SORCS3: variants seen among roughly 807,000 people sequenced by gnomAD.
SORCS3 encodes sortilin related VPS10 domain containing receptor 3.
In SORCS3, 57 loss-of-function variants were observed where a neutral mutation model predicts 146.3. The observed-to-expected ratio is 0.39, with a 90% confidence interval of 0.31 to 0.49. The LOEUF (loss-of-function observed/expected upper bound fraction) is 0.49. Among genes scored for constraint, SORCS3 ranks in the 20% least tolerant of loss-of-function variants. SORCS3 has a pLI of 0.92. For synonymous variants in SORCS3, 653 were observed against 618.5 expected (o/e 1.06, Z -0.83); for missense variants, 1,341 against 1,575.5 (o/e 0.85, Z 2.52).
At chr10:104,964,591 C>G (rs776676011) in intron 3 of SORCS3, among the ~76,000 whole-genome samples, 1 of 152,092 alleles carries the variant, frequency 6.6e-6, no homozygotes, top group Admixed American at 6.6e-5. Context: ...GGAGTAAGGC[C>G]TCAGTCAATA....
At chr10:105,016,155 A>ATATTT (rs71482443) in intron 4 of SORCS3, among the ~76,000 whole-genome samples, 9,003 of 101,112 alleles carry the variant, frequency 0.089, 624 homozygotes, top group African/African-American at 0.13. Context: ...ATATATATAT[A>ATATTT]TTTTTTTTTT....
intron 3 of SORCS3, among the ~76,000 whole-genome samples, chr10:104,958,145 CCT>C (rs1380853717): frequency 6.6e-6 from 1 of 152,046 alleles, no homozygotes. Flanking sequence ...CTTGCTGTGC[CCT>C]CTGTCTCCTT....
chr10:104,723,372 A>C (rs565461269), intron 1 of SORCS3, among the ~76,000 whole-genome samples: 73 of 152,230 alleles, frequency 4.8e-4, no homozygotes, highest in Non-Finnish European at 8.8e-4. Context: ...GTTCTTTTAC[A>C]TTTGCTGAGG....
intron 9 of SORCS3, among the ~76,000 whole-genome samples, chr10:105,155,806 A>G (rs1337141193): frequency 1.3e-5 from 2 of 152,128 alleles, no homozygotes; most frequent in African/African-American, 4.8e-5. Flanking sequence ...AATCTAATCA[A>G]TTCCATTGTT....
intron 5 of SORCS3, among the ~76,000 whole-genome samples, chr10:105,051,287 G>A (rs1411963123): frequency 1.3e-5 from 2 of 152,196 alleles, no homozygotes; most frequent in South Asian, 2.1e-4. Flanking sequence ...ACCCGTGTCA[G>A]CCTAATAGCA....
chr10:104,957,520 T>C (rs1287029346), intron 3 of SORCS3, among the ~76,000 whole-genome samples: 4 of 151,548 alleles, frequency 2.6e-5, no homozygotes, highest in Admixed American at 2.6e-4. Context: ...GTTTGTGTGG[T>C]ATTGTTTTCT....
intron 5 of SORCS3, among the ~76,000 whole-genome samples, chr10:105,080,401 T>G (rs1055575790): frequency 4.1e-5 from 6 of 144,768 alleles, no homozygotes; most frequent in Admixed American, 4.1e-4. Context: ...CTTTTTAATG[T>G]TTTTTTTTCT....
At chr10:104,882,387 G>A (rs116363217) in intron 2 of SORCS3, among the ~76,000 whole-genome samples, 1 of 152,284 alleles carries the variant, frequency 6.6e-6, no homozygotes, top group African/African-American at 2.4e-5. Context: ...TTAGAGCAGA[G>A]CTTAGTGTTT....
At chr10:104,862,773 T>C (rs182767509) in intron 2 of SORCS3, among the ~76,000 whole-genome samples, 1 of 152,358 alleles carries the variant, frequency 6.6e-6, no homozygotes, top group Admixed American at 6.5e-5. Flanking sequence ...TATCATAGTA[T>C]TGTTTTTCAT....
chr10:104,747,875 G>A (rs2016929495), intron 1 of SORCS3, among the ~76,000 whole-genome samples: 1 of 152,230 alleles, frequency 6.6e-6, no homozygotes, highest in South Asian at 2.1e-4. Context: ...ACAGCACTGG[G>A]TTTAAAGCCT....
intron 3 of SORCS3, among the ~76,000 whole-genome samples, chr10:104,975,250 T>C (rs1446372472): frequency 1.3e-5 from 2 of 152,128 alleles, no homozygotes; most frequent in Non-Finnish European, 2.9e-5. Context: ...ATCACAAGCA[T>C]TCTTATACAC....
At chr10:105,018,168 A>G (rs1000023281) in intron 4 of SORCS3, among the ~76,000 whole-genome samples, 18 of 152,200 alleles carry the variant, frequency 1.2e-4, no homozygotes, top group African/African-American at 4.1e-4. Flanking sequence ...TGCTCTTTCA[A>G]TGCTTTGCTT....
intron 2 of SORCS3, among the ~76,000 whole-genome samples, chr10:104,884,316 G>A (rs1193639722): frequency 6.6e-6 from 1 of 152,154 alleles, no homozygotes; most frequent in African/African-American, 2.4e-5. Context: ...CGTCGAGACT[G>A]CTCATTGCTG....
chr10:104,906,635 C>T (rs1188172119), intron 2 of SORCS3, among the ~76,000 whole-genome samples: 2 of 152,218 alleles, frequency 1.3e-5, no homozygotes, highest in African/African-American at 2.4e-5. Flanking sequence ...TGAGGCTCCA[C>T]AGACTGGATT....
intron 2 of SORCS3, among the ~76,000 whole-genome samples, chr10:104,843,864 T>G (rs1384513958): frequency 6.6e-6 from 1 of 152,232 alleles, no homozygotes; most frequent in Non-Finnish European, 1.5e-5. Flanking sequence ...TTCTCCCATT[T>G]ACCTTGTGAT....
At chr10:105,253,183 T>C (rs2056911266) in intron 23 of SORCS3, among the ~76,000 whole-genome samples, 1 of 151,734 alleles carries the variant, frequency 6.6e-6, no homozygotes, top group African/African-American at 2.4e-5. Context: ...CTTCCTGGGA[T>C]TCAGGGGAAG....
At chr10:105,152,179 A>G (rs2056172527) in intron 9 of SORCS3, among the ~76,000 whole-genome samples, 1 of 152,138 alleles carries the variant, frequency 6.6e-6, no homozygotes, top group African/African-American at 2.4e-5. Flanking sequence ...TCTCCTGGAT[A>G]TTTTGCATCT....
intron 22 of SORCS3, 138 bp from the exon 23 acceptor site, chr10:105,252,637 G>A (rs2056907544): frequency 2.1e-6 from 2 of 967,354 alleles, no homozygotes; most frequent in African/African-American, 3.3e-5. Flanking sequence ...AAGCCTGAAT[G>A]TATATTGGAG....
At chr10:104,697,834 A>G (rs1174162128) in intron 1 of SORCS3, among the ~76,000 whole-genome samples, 1 of 152,194 alleles carries the variant, frequency 6.6e-6, no homozygotes, top group Non-Finnish European at 1.5e-5. Context: ...AACATGCTCT[A>G]TAACATAGTA....
Sources: gnomAD v4.1 joint callset for allele counts (sites outside exome capture counted in the v4.1 genomes callset) on GRCh38, gnomAD v4.1.1 for gene constraint, MANE v1.5 for transcripts, NCBI Gene and HGNC (gene_info 2026-07-23, HGNC 2026-07-21) for gene names.